SDR42E1: variants seen among roughly 807,000 people sequenced by gnomAD.
The protein encoded by SDR42E1 is short-chain dehydrogenase/reductase family 42E member 1.
SDR42E1 carries 5 observed loss-of-function variants against 2.6 expected under a neutral mutation model. The ratio of observed to expected loss-of-function variants is 1.94; its 90% CI spans 1.01 to 4.08. SDR42E1 has a LOEUF of 4.08. Ranked by LOEUF, SDR42E1 falls within the 30% of genes most tolerant of loss-of-function variation. SDR42E1 has a pLI of 0.00. For missense variants in SDR42E1, 596 were observed against 478.6 expected (o/e 1.25, Z -2.29); for synonymous variants, 231 against 188.3 (o/e 1.23, Z -1.86).
intron 1 of SDR42E1, among the ~76,000 whole-genome samples, chr16:82,009,215 T>C (rs2143868662): frequency 6.6e-6 from 1 of 152,256 alleles, no homozygotes; most frequent in Non-Finnish European, 1.5e-5. Flanking sequence ...GGAAGGGAAA[T>C]GTGGGGTTGG....
rs138504226 is a variant in SDR42E1, at chr16:82,010,669, G to C, written c.-27+718C>G. Among the ~76,000 whole-genome samples, 631 of 152,214 alleles carry C rather than the reference G, an allele frequency of 4.1e-3. 6 individuals are homozygous for C. The highest frequency in any genetic ancestry group is 0.014 in the African/African-American group (597 of 41,520). Reference sequence around the variant, plus strand: ...GGAAGCCCCCTCCCCGTTTCGAGTTGTCCCGCCTTTCCAGACCGAAAAACA... The same window carrying C: ...GGAAGCCCCCTCCCCGTTTCGAGTTCTCCCGCCTTTCCAGACCGAAAAACA... On this transcript the variant is annotated intron_variant, in intron 1 of 2. Transcript: ENST00000328945.
chr16:82,000,581 C>T (rs943566765), intron 2 of SDR42E1, among the ~76,000 whole-genome samples: 6 of 152,136 alleles, frequency 3.9e-5, no homozygotes, highest in African/African-American at 1.4e-4. Flanking sequence ...AATAGTCACC[C>T]CTCCCAATTT....
chr16:81,992,617 A>G lies in SDR42E1; in HGVS notation c.*6494T>C, dbSNP rs1176576113. 2 of 152,210 alleles carry G rather than the reference A, an allele frequency of 1.3e-5. No individual in the cohort carries two copies. The highest frequency in any genetic ancestry group is 1.9e-4 in the East Asian group (1 of 5,200). 9.4% of individuals were successfully genotyped at this position (152,210 alleles called of 1,614,324 possible). A position where few individuals can be genotyped will look rare whatever the true frequency, so the allele number is the denominator to read the frequency against. On this transcript the variant is annotated 3_prime_UTR_variant, in exon 3 of 3. Coordinates refer to ENST00000328945, the MANE Select transcript of SDR42E1 (RefSeq NM_145168.3). ...ATACTTGCCAAGATTAAAATCTTGC[A>G]TATTAGTAATGAAGAATTTTTTAAT...
rs1380292387 is a variant in SDR42E1 at position 82,000,047 on chromosome 16, A to G, written c.246T>C (p.Tyr82=). The G allele has an allele frequency of 1.9e-6, 3 of 1,614,104 alleles. No homozygotes were observed. The highest frequency in any genetic ancestry group is 1.3e-5 in the African/African-American group (1 of 74,928). Residue 82 remains tyrosine, a synonymous_variant, in exon 3 of 3, where the codon TAT becomes TAC. Transcript: ENST00000328945. ...DVTCVFHIAS[Y]GMSGREQLNR... ...TGAGTTGCTCCCGCCCTGACATACCATAAGAGGCAATATGGAACACACAAG... is the reference window on the plus strand; with the variant it reads ...TGAGTTGCTCCCGCCCTGACATACCGTAAGAGGCAATATGGAACACACAAG...
intron 1 of SDR42E1, among the ~76,000 whole-genome samples, chr16:82,007,242 G>C (rs1008597782): frequency 6.6e-6 from 1 of 152,210 alleles, no homozygotes; most frequent in East Asian, 1.9e-4. Flanking sequence ...TGTCCTATCT[G>C]CAAGGAGTAC....
At position 81,993,332 on chromosome 16, in the gene SDR42E1, T is replaced by C. The variant is rs2143829918; in HGVS notation, c.*5779A>G. Reference sequence around the variant, plus strand: ...TCCTTGTTGAAAGATAAGAAACACCTAGAGTGCAGATTACCAACCAACACA... The same window carrying C: ...TCCTTGTTGAAAGATAAGAAACACCCAGAGTGCAGATTACCAACCAACACA... On this transcript the variant is annotated 3_prime_UTR_variant, in exon 3 of 3. Coordinates refer to ENST00000328945, the MANE Select transcript of SDR42E1 (RefSeq NM_145168.3). The C allele has an allele frequency of 6.6e-6, 1 of 152,238 alleles. No individual in the cohort carries two copies. The highest frequency in any genetic ancestry group is 3.4e-3 in the Middle Eastern group (1 of 294). The allele number at this position is 152,238 out of a possible 1,614,324, so 9.4% of individuals were successfully genotyped here. A position where few individuals can be genotyped will look rare whatever the true frequency, so the allele number is the denominator to read the frequency against.
intron 1 of SDR42E1, among the ~76,000 whole-genome samples, chr16:82,010,812 T>C (rs573192311): frequency 6.6e-6 from 1 of 152,234 alleles, no homozygotes; most frequent in Non-Finnish European, 1.5e-5. Flanking sequence ...CATGGGTACA[T>C]GTCTTCAACC....
Position 81,999,144 on chromosome 16 carries a change from C to A in SDR42E1, c.1149G>T (p.Met383Ile). ...ACAGAATCACAGAAGAAGGCAGCCA[C>A]ATGAGAACTGCTATAATCAGGAGGA... ...LVFLLIIAVL[M>I]WLPSSVILSL The change falls in exon 3 of 3, where the codon ATG becomes ATT. Residue 383 changes from methionine to isoleucine, a missense_variant. Transcript: ENST00000328945. 6.2e-7 allele frequency: 1 copy of A among 1,614,104 alleles called. No individual in the cohort carries two copies. Among genetic ancestry groups the A allele is most frequent in the Non-Finnish European group, 8.5e-7 (1 of 1,180,002 alleles).
intron 1 of SDR42E1, among the ~76,000 whole-genome samples, chr16:82,001,196 T>A (rs1912746958): frequency 6.6e-6 from 1 of 152,214 alleles, no homozygotes; most frequent in African/African-American, 2.4e-5. Flanking sequence ...GGCATTATTG[T>A]AAATTCTTGA....
rs541177587 is a variant in SDR42E1, at chr16:82,005,874, T to TA, written c.-26-4991dup. ...ACAAACAGTAAAAAAAAATTAAATTTAAAAATCCACCTGACCTCTTGAGAA... is the reference window on the plus strand; with the variant it reads ...ACAAACAGTAAAAAAAAATTAAATTTAAAAAATCCACCTGACCTCTTGAGAA... On this transcript the variant is annotated intron_variant, in intron 1 of 2. Transcript: ENST00000328945. Among the ~76,000 whole-genome samples, 35 of 152,276 alleles carry TA rather than the reference T, an allele frequency of 2.3e-4. No homozygotes were observed. The South Asian group carries it at 4.1e-3, about 18-fold the overall frequency.
chr16:82,002,297 T>A (rs1210319787), intron 1 of SDR42E1, among the ~76,000 whole-genome samples: 1 of 152,176 alleles, frequency 6.6e-6, no homozygotes. Context: ...ACGTCTCGCC[T>A]CCGCCCTTAA....
intron 1 of SDR42E1, among the ~76,000 whole-genome samples, chr16:82,005,028 T>C (rs1251059810): frequency 1.3e-5 from 2 of 152,226 alleles, no homozygotes; most frequent in Admixed American, 1.3e-4. Flanking sequence ...ATCTTCTTAA[T>C]ATCTCTGTAA....
At chr16:82,002,194 G>A (rs938556167) in intron 1 of SDR42E1, among the ~76,000 whole-genome samples, 3 of 152,226 alleles carry the variant, frequency 2.0e-5, no homozygotes, top group African/African-American at 7.2e-5. Context: ...TATGCAGGAT[G>A]AAGAGCTTGT....
rs965379106 is a variant in SDR42E1, at chr16:81,997,653, G to T, written c.*1458C>A. On this transcript the variant is annotated 3_prime_UTR_variant, in exon 3 of 3. Coordinates refer to ENST00000328945, the MANE Select transcript of SDR42E1 (RefSeq NM_145168.3). ...ACAATCACTACCATCACCTCATACT[G>T]ATGTTGCAATTTATATTAGAAGTAC... The T allele has an allele frequency of 6.6e-6, 1 of 152,208 alleles. No individual in the cohort carries two copies. The highest frequency in any genetic ancestry group is 1.5e-5 in the Non-Finnish European group (1 of 68,054). 9.4% of individuals were successfully genotyped at this position (152,208 alleles called of 1,614,324 possible).
chr16:82,001,346 G>T (rs942062111), intron 1 of SDR42E1, among the ~76,000 whole-genome samples: 13 of 152,150 alleles, frequency 8.5e-5, no homozygotes, highest in African/African-American at 2.6e-4. Context: ...CTGCAGCATG[G>T]TTTAATACTG....
chr16:81,999,167 G>C lies in SDR42E1; in HGVS notation c.1126C>G (p.Leu376Val). ...CFVWDGLLVF[L>V]LIIAVLMWLP... ...CACATGAGAACTGCTATAATCAGGA[G>C]GAAGACCAATAGCCCATCCCAAACA... The change falls in exon 3 of 3, where the codon CTC (leucine) becomes GTC (valine). Residue 376 changes from leucine (L) to valine (V), a missense_variant. By Grantham distance (32) the Leu-to-Val change is conservative. Transcript: ENST00000328945. 4 of 1,614,166 alleles carry C rather than the reference G, an allele frequency of 2.5e-6. No individual in the cohort carries two copies. The highest frequency in any genetic ancestry group is 2.5e-6 in the Non-Finnish European group (3 of 1,180,042).
intron 1 of SDR42E1, among the ~76,000 whole-genome samples, chr16:82,002,280 A>G (rs767355830): frequency 7.2e-5 from 11 of 152,198 alleles, no homozygotes; most frequent in Non-Finnish European, 1.2e-4. Flanking sequence ...AGGAATACAC[A>G]GTGAAGACGT....
intron 1 of SDR42E1, among the ~76,000 whole-genome samples, chr16:82,003,111 C>G (rs977872019): frequency 1.7e-4 from 26 of 152,202 alleles, no homozygotes; most frequent in Middle Eastern, 3.4e-3. Flanking sequence ...GTGACTGTCT[C>G]AGTGGTTTGA....
chr16:82,001,961 T>TACACACACACACACACACAC (rs375862551), intron 1 of SDR42E1, among the ~76,000 whole-genome samples: 24 of 137,284 alleles, frequency 1.7e-4, no homozygotes, highest in African/African-American at 6.3e-4. Context: ...TGGGTGCGTA[T>TACACACACACACACACACAC]ACACACACAC....
Sources: allele counts gnomAD v4.1 joint callset (sites outside exome capture counted in the v4.1 genomes callset), GRCh38; gene constraint gnomAD v4.1.1; transcripts MANE v1.5; gene names NCBI Gene and HGNC (gene_info 2026-07-23, HGNC 2026-07-21).